The following TENM2 variants were observed in gnomAD, a reference collection of about 807,000 sequenced individuals.
TENM2 encodes teneurin-2.
A neutral mutation model predicts 245.2 loss-of-function variants in TENM2; 52 were observed. The ratio of observed to expected loss-of-function variants is 0.21; its 90% CI spans 0.17 to 0.27. The LOEUF (loss-of-function observed/expected upper bound fraction) is 0.27. Among genes scored for constraint, TENM2 ranks in the 10% least tolerant of loss-of-function variants. TENM2 has a pLI of 1.00. For missense variants in TENM2, 3,046 were observed against 3,666.8 expected (o/e 0.83, Z 4.37); for synonymous variants, 1,363 against 1,438.9 (o/e 0.95, Z 1.19).
intron 7 of TENM2, among the ~76,000 whole-genome samples, chr5:168,079,232 G>C (rs956615165): frequency 2.6e-5 from 4 of 152,188 alleles, no homozygotes; most frequent in African/African-American, 9.7e-5. Context: ...CTCTCTGTTT[G>C]TCTGTTATTG....
At chr5:167,756,893 G>A (rs1328437700) in intron 2 of TENM2, among the ~76,000 whole-genome samples, 1 of 151,848 alleles carries the variant, frequency 6.6e-6, no homozygotes, top group Non-Finnish European at 1.5e-5. Flanking sequence ...ACCAGTTGCA[G>A]TTGGCCACTG....
At chr5:167,394,416 A>T (rs1287671215) in intron 2 of TENM2, among the ~76,000 whole-genome samples, 2 of 152,224 alleles carry the variant, frequency 1.3e-5, no homozygotes, top group South Asian at 2.1e-4. Flanking sequence ...CTTGTTGAAG[A>T]TCAGTTGACT....
At chr5:167,131,859 G>A in the TENM2 span, among the ~76,000 whole-genome samples, 1 of 152,120 alleles carries the variant, frequency 6.6e-6, no homozygotes, top group Non-Finnish European at 1.5e-5. Flanking sequence ...GTCTTACTCT[G>A]TCACCCAGGC....
chr5:167,532,826 G>GTATATATATATATA (rs148505748), intron 2 of TENM2, among the ~76,000 whole-genome samples: 66 of 144,544 alleles, frequency 4.6e-4, no homozygotes, highest in Admixed American at 1.1e-3. Flanking sequence ...GTGTGTGTGT[G>GTATATATATATATA]TATATATATA....
intron 18 of TENM2, 47 bp from the exon 21 acceptor site, chr5:168,204,325 T>C: frequency 6.3e-7 from 1 of 1,584,330 alleles, no homozygotes; most frequent in East Asian, 2.3e-5. Flanking sequence ...TACACATGTC[T>C]TCCCCAGAGG....
Position 167,359,512 on chromosome 5 carries a change from A to AT in TENM2, c.227-15676dup, listed in dbSNP as rs60008626. 2.2e-3 allele frequency among the ~76,000 whole-genome samples: 324 copies of AT among 149,564 alleles called. 1 individual carries two copies. Among genetic ancestry groups the AT allele is most frequent in the African/African-American group, 6.6e-3 (269 of 40,710 alleles). On this transcript the variant is annotated intron_variant, in intron 1 of 28. Transcript: ENST00000518659. ...ATGGCCTTGCACTCTTCTACTTTCT[A>AT]TTTTTTTTTTCTTTTCATAGTACCT...
chr5:167,165,654 G>T, the TENM2 span, among the ~76,000 whole-genome samples: 6 of 152,000 alleles, frequency 3.9e-5, no homozygotes, highest in Non-Finnish European at 7.4e-5. Context: ...TATGACTAAG[G>T]TATAATAAGA....
At chr5:167,147,822 G>A in the TENM2 span, among the ~76,000 whole-genome samples, 1,635 of 152,062 alleles carry the variant, frequency 0.011, 11 homozygotes, top group Non-Finnish European at 0.017. Flanking sequence ...CCTCAACCTG[G>A]TTTTTTTCTC....
At chr5:167,803,303 A>C (rs1238710053) in intron 2 of TENM2, among the ~76,000 whole-genome samples, 1 of 152,136 alleles carries the variant, frequency 6.6e-6, no homozygotes, top group Non-Finnish European at 1.5e-5. Flanking sequence ...TAAGCCTATC[A>C]GCTCTGTCTA....
chr5:167,594,482 C>A (rs141224909), intron 2 of TENM2, among the ~76,000 whole-genome samples: 2 of 152,304 alleles, frequency 1.3e-5, no homozygotes, highest in Non-Finnish European at 2.9e-5. Context: ...TATTGGAAAT[C>A]AGATTCTATC....
At chr5:167,217,637 G>A in the TENM2 span, among the ~76,000 whole-genome samples, 3 of 151,148 alleles carry the variant, frequency 2.0e-5, no homozygotes, top group Admixed American at 6.6e-5. Flanking sequence ...GGCAATGGAA[G>A]TGGTTTCCAA....
the TENM2 span, among the ~76,000 whole-genome samples, chr5:166,981,236 G>C: frequency 6.6e-6 from 1 of 152,014 alleles, no homozygotes; most frequent in Non-Finnish European, 1.5e-5. Flanking sequence ...AAGTAATAAG[G>C]CATTTTATTT....
chr5:167,203,806 G>T, the TENM2 span, among the ~76,000 whole-genome samples: 2 of 151,772 alleles, frequency 1.3e-5, no homozygotes, highest in African/African-American at 4.8e-5. Context: ...CAAATAAAAA[G>T]TTGCCTCTAT....
At chr5:167,227,920 A>G in the TENM2 span, among the ~76,000 whole-genome samples, 1 of 152,126 alleles carries the variant, frequency 6.6e-6, no homozygotes, top group East Asian at 1.9e-4. Flanking sequence ...GGTGTCCCAT[A>G]TGTCACAAAA....
intron 2 of TENM2, among the ~76,000 whole-genome samples, chr5:167,479,761 G>A (rs1406149234): frequency 1.3e-5 from 2 of 152,122 alleles, no homozygotes; most frequent in Non-Finnish European, 2.9e-5. Flanking sequence ...AGCCATCATT[G>A]CAAGTTCATT....
At chr5:167,230,059 A>G in the TENM2 span, among the ~76,000 whole-genome samples, 2 of 152,142 alleles carry the variant, frequency 1.3e-5, no homozygotes, top group Admixed American at 1.3e-4. Flanking sequence ...GCCTCAGCCC[A>G]GTTGCAGGGC....
chr5:167,519,531 C>T (rs80017752), intron 2 of TENM2, among the ~76,000 whole-genome samples: 8,412 of 152,120 alleles, frequency 0.055, 497 homozygotes, highest in East Asian at 0.18. Flanking sequence ...ATCTGTAGTA[C>T]ACATTTATTA....
chr5:167,375,482 G>A lies in TENM2; in HGVS notation c.502+9G>A, dbSNP rs562338986. On this transcript the variant is annotated intron_variant, in intron 2 of 28. Coordinates refer to ENST00000518659, the Ensembl canonical transcript of TENM2. ...ATCAGATGATGAGAACGGTAGGCCT[G>A]CTTCTTAAATACCTTTTAACGTTCT... 1.2e-4 allele frequency: 186 copies of A among 1,551,228 alleles called. No homozygotes were observed. The South Asian group carries it at 1.4e-3, about 11-fold the overall frequency.
At chr5:167,989,268 A>AAGAGAGAGAGAG (rs10617322) in intron 4 of TENM2, among the ~76,000 whole-genome samples, 21 of 145,016 alleles carry the variant, frequency 1.4e-4, no homozygotes, top group African/African-American at 5.2e-4. Flanking sequence ...AAGATAGAGA[A>AAGAGAGAGAGAG]AGAGAGAGAG....
Sources: allele counts gnomAD v4.1 joint callset (sites outside exome capture counted in the v4.1 genomes callset), GRCh38; gene constraint gnomAD v4.1.1; transcripts MANE v1.5; gene names NCBI Gene and HGNC (gene_info 2026-07-23, HGNC 2026-07-21).